The following UBR4 variants were observed in gnomAD, a reference collection of about 807,000 sequenced individuals.
UBR4 encodes the protein E3 ubiquitin-protein ligase UBR4.
UBR4 carries 124 observed loss-of-function variants against 575.6 expected under a neutral mutation model. That is an observed-to-expected ratio of 0.22 (90% CI 0.19 to 0.25). The LOEUF is 0.25. UBR4 is among the 10% of genes least tolerant of loss of function. UBR4 has a pLI of 1.00. For missense variants in UBR4, 4,818 were observed against 6,478.8 expected (o/e 0.74, Z 8.80); for synonymous variants, 2,455 against 2,473.7 (o/e 0.99, Z 0.22).
intron 49 of UBR4, among the ~76,000 whole-genome samples, chr1:19,150,089 C>G (rs1223717769): frequency 3.9e-5 from 6 of 152,146 alleles, no homozygotes; most frequent in African/African-American, 1.4e-4. Flanking sequence ...AAGAATATGC[C>G]ACTGTAGGGA....
intron 87 of UBR4, among the ~76,000 whole-genome samples, chr1:19,102,680 G>A (rs1011394582): frequency 3.9e-5 from 6 of 152,264 alleles, no homozygotes; most frequent in South Asian, 2.1e-4. Context: ...CAGTTTTTGC[G>A]TTGAGCTTTG....
chr1:19,158,080 GA>G, intron 39 of UBR4, 83 bp from the exon 40 acceptor site: 1 of 1,418,734 alleles, frequency 7.0e-7, no homozygotes. Context: ...ATGTGCCTGA[GA>G]CACTGCACAA....
At chr1:19,209,481 A>G (rs1315168527) in intron 1 of UBR4, among the ~76,000 whole-genome samples, 2 of 152,252 alleles carry the variant, frequency 1.3e-5, no homozygotes, top group African/African-American at 4.8e-5. Context: ...AGGCAGCAAG[A>G]GAACACACAC....
At chr1:19,189,194 G>C (rs1272048496) in intron 11 of UBR4, among the ~76,000 whole-genome samples, 1 of 151,810 alleles carries the variant, frequency 6.6e-6, no homozygotes, top group African/African-American at 2.4e-5. Context: ...TTGTCAAAGA[G>C]AGCATGGGGA....
intron 17 of UBR4, 58 bp downstream of exon 17, chr1:19,183,753 C>T: frequency 2.6e-6 from 4 of 1,527,904 alleles, no homozygotes; most frequent in South Asian, 2.3e-5. Context: ...ATTGGAGCTG[C>T]AGCCTATGGA....
chr1:19,163,712 G>A (rs1557858224), intron 34 of UBR4, 52 bp downstream of exon 34: 1 of 1,586,272 alleles, frequency 6.3e-7, no homozygotes, highest in East Asian at 2.2e-5. Context: ...GACCACAGAG[G>A]TGAGAATCAC....
chr1:19,086,744 C>A lies in UBR4; in HGVS notation c.14622G>T (p.Gln4874His). 1.9e-6 allele frequency: 3 copies of A among 1,614,264 alleles called. No homozygotes were observed. The highest frequency in any genetic ancestry group is 8.5e-7 in the Non-Finnish European group (1 of 1,180,040). ...AGTGGGACACGGTGCTGTAGCCCTG[C>A]TGTTTCCGGGGCTTATTCTCCATCT... The part of the protein sequence containing the change: ...LEEMENKPRK[Q>H]QGYSTVSHFN... Residue 4874 changes from glutamine to histidine, a missense_variant, in exon 100 of 106, where the codon CAG becomes CAT. Physicochemically the swap from Gln to His is conservative, Grantham distance 24 (BLOSUM62 0). Coordinates refer to ENST00000375254, the MANE Select transcript of UBR4 (RefSeq NM_020765.3).
chr1:19,111,792 G>A (rs1309019794), intron 78 of UBR4: 1 of 152,008 alleles, frequency 6.6e-6, no homozygotes, highest in Non-Finnish European at 1.5e-5. Context: ...GTCTAATTTT[G>A]TATTTTCAGT....
At chr1:19,143,062 CCTTGGTGACA>C (rs2084159490) in intron 55 of UBR4, among the ~76,000 whole-genome samples, 1 of 148,620 alleles carries the variant, frequency 6.7e-6, no homozygotes, top group African/African-American at 2.5e-5. Flanking sequence ...TGCACTCTAG[CCTTGGTGACA>C]CAGTGAGACT....
intron 100 of UBR4, 143 bp downstream of exon 100, chr1:19,086,536 G>C (rs2077033864): frequency 3.1e-6 from 4 of 1,279,250 alleles, no homozygotes; most frequent in East Asian, 2.4e-5. Context: ...TAACTGCTTG[G>C]GGACCTATAT....
intron 67 of UBR4, 60 bp from the exon 68 acceptor site, chr1:19,121,494 C>A: frequency 2.6e-6 from 4 of 1,560,926 alleles, no homozygotes; most frequent in Non-Finnish European, 3.5e-6. Flanking sequence ...CTCAGGAGAA[C>A]CAAAACAACG....
rs1056307056 is a variant in UBR4, at chr1:19,137,939, C to T, written c.8906+68G>A. 5 of 1,344,264 alleles carry T rather than the reference C, an allele frequency of 3.7e-6. No individual in the cohort carries two copies. In the African/African-American group the frequency reaches 7.4e-5, roughly 20 times the overall value. The allele number at this position is 1,344,264 out of a possible 1,614,324, so 83.3% of individuals were successfully genotyped here. ...CACTACTCTACCTCCTGCAATTGAT[C>T]AGTCCTACTATTCCTGAAATAGTCT... On this transcript the variant is annotated intron_variant, in intron 60 of 105. Coordinates refer to ENST00000375254, the MANE Select transcript of UBR4 (RefSeq NM_020765.3).
intron 71 of UBR4, chr1:19,118,114 T>C: frequency 1.8e-6 from 1 of 548,472 alleles, no homozygotes; most frequent in African/African-American, 1.9e-5. Context: ...TAACTGACCT[T>C]AGATGTTTCC....
rs541051864 is a variant in UBR4 at position 19,133,601 on chromosome 1, T to TA, written c.8906+4405dup. ...ATTGGAACGAAAAAAGTTACACTGTTATTTGCAGGTGATAAGATTGTGGAT... is the reference window on the plus strand; with the variant it reads ...ATTGGAACGAAAAAAGTTACACTGTTAATTTGCAGGTGATAAGATTGTGGAT... On this transcript the variant is annotated intron_variant, in intron 60 of 105. Coordinates refer to ENST00000375254, the MANE Select transcript of UBR4 (RefSeq NM_020765.3). 3.2e-3 allele frequency among the ~76,000 whole-genome samples: 495 copies of TA among 152,312 alleles called. 4 individuals carry two copies. Among genetic ancestry groups the TA allele is most frequent in the African/African-American group, 0.011 (476 of 41,584 alleles).
chr1:19,173,159 T>C (rs1241814328), intron 24 of UBR4, 22 bp downstream of exon 24: 1 of 1,614,054 alleles, frequency 6.2e-7, no homozygotes, highest in East Asian at 2.2e-5. Flanking sequence ...AGTTCTATCA[T>C]TTAGGTTCCA....
chr1:19,123,131 C>T (rs182360388), intron 65 of UBR4, 71 bp from the exon 66 acceptor site: 50 of 1,514,228 alleles, frequency 3.3e-5, no homozygotes, highest in Non-Finnish European at 4.1e-5. Context: ...GGCTCTCACA[C>T]CCTGGGTTTT....
In UBR4 at chr1:19,146,878, G is replaced by C. The variant is rs1177303970; in HGVS notation, c.7752C>G (p.Arg2584=). Residue 2584 remains arginine, a synonymous_variant, in exon 52 of 106, where the codon CGC becomes CGG. Transcript: ENST00000375254. ...VITARSIAIM[R]PNNLVHFTES... is the part of the protein sequence containing the mutation. ...CCGTAAAGTGGACAAGGTTGTTGGG[G>C]CGCATGATGGCAATGGAGCGAGCTG... 2 of 1,614,136 alleles carry C rather than the reference G, an allele frequency of 1.2e-6. No homozygotes were observed. The highest frequency in any genetic ancestry group is 1.7e-6 in the Non-Finnish European group (2 of 1,180,000).
At chr1:19,084,166 A>C (rs2076784521) in intron 102 of UBR4, among the ~76,000 whole-genome samples, 1 of 152,238 alleles carries the variant, frequency 6.6e-6, no homozygotes, top group Non-Finnish European at 1.5e-5. Context: ...CAGTCTGGAA[A>C]GTAGAAGTAG....
intron 87 of UBR4, among the ~76,000 whole-genome samples, chr1:19,102,610 C>G (rs1488043787): frequency 6.6e-6 from 1 of 152,122 alleles, no homozygotes; most frequent in Non-Finnish European, 1.5e-5. Flanking sequence ...TAACACAGAA[C>G]AGCCAAAAGC....
Sources: gnomAD v4.1 joint callset for allele counts (sites outside exome capture counted in the v4.1 genomes callset) on GRCh38, gnomAD v4.1.1 for gene constraint, MANE v1.5 for transcripts, NCBI Gene and HGNC (gene_info 2026-07-23, HGNC 2026-07-21) for gene names.